Variants in DOK2 observed in about 807,000 individuals in gnomAD.
DOK2 encodes the protein docking protein 2, also known as docking protein 2, 56kD.
Under a neutral mutation model 26.0 loss-of-function variants are expected in DOK2, and 28 were observed. The observed-to-expected ratio is 1.08, with a 90% CI of 0.80 to 1.48. DOK2 has a LOEUF of 1.48. Among genes scored for constraint, DOK2 ranks in the 40% most tolerant of loss-of-function variants. The pLI is 0.00. For missense variants in DOK2, 682 were observed against 558.2 expected (o/e 1.22, Z -2.23); for synonymous variants, 282 against 236.9 (o/e 1.19, Z -1.75).
intron 4 of DOK2, 29 bp from the exon 5 acceptor site, chr8:21,909,960 C>A: frequency 6.3e-7 from 1 of 1,589,498 alleles, no homozygotes; most frequent in Non-Finnish European, 8.5e-7. Flanking sequence ...AGGTTATTGG[C>A]CAGGCCACAG....
intron 4 of DOK2, among the ~76,000 whole-genome samples, chr8:21,910,389 G>T (rs922612886): frequency 1.3e-5 from 2 of 152,088 alleles, no homozygotes; most frequent in African/African-American, 4.8e-5. Flanking sequence ...CCTACAGGCA[G>T]AGACTTGGCT....
In DOK2 at chr8:21,910,699, A is replaced by T. The variant is rs778227189; in HGVS notation, c.592T>A (p.Phe198Ile). 6 of 1,613,700 alleles carry T rather than the reference A, an allele frequency of 3.7e-6. No individual in the cohort carries two copies. The highest frequency in any genetic ancestry group is 5.1e-6 in the Non-Finnish European group (6 of 1,179,978). The change falls in exon 4 of 5, where the codon TTT (phenylalanine) becomes ATT (isoleucine). Residue 198 changes from phenylalanine to isoleucine, a missense_variant. Phe to Ile is a conservative substitution (Grantham distance 21). Transcript: ENST00000276420. ...GTQLYDWPYR[F>I]LRRFGRDKVT... The stretch of plus-strand genomic sequence containing the variant: ...TTGTCCCGCCCAAAGCGCCGCAGAA[A>T]CCTGTAGGGCCAGTCGTACAGCTGG...
rs199836770 is a variant in DOK2 at position 21,909,284 on chromosome 8, C to T, written c.*27G>A. The T allele has an allele frequency of 3.0e-4, 459 of 1,518,786 alleles. 1 individual carries two copies. Among genetic ancestry groups the T allele is most frequent in the Non-Finnish European group, 3.8e-4 (435 of 1,134,226 alleles). 94.1% of individuals were successfully genotyped at this position (1,518,786 alleles called of 1,614,324 possible). A position where few individuals can be genotyped will look rare whatever the true frequency, so the allele number is the denominator to read the frequency against. On this transcript the variant is annotated 3_prime_UTR_variant, in exon 5 of 5. Transcript: ENST00000276420. ...GGAGTCACCAGCAGAAGCCAAGGGG[C>T]GGTGGACCATCCCTCTGCTGCCTCT... is the stretch of plus-strand genomic sequence containing the variant.
chr8:21,913,560 C>G lies in DOK2; in HGVS notation c.42G>C (p.Gln14His). ...CTACCTTTCCAAACGTCTGCTGCTG[C>G]TGAAGATACAAGAAGCCTTGTTTCA... is the stretch of plus-strand genomic sequence containing the variant. ...GAVKQGFLYLQQQQTFGKKWR... is the reference protein window; with the variant it reads ...GAVKQGFLYLHQQQTFGKKWR... Residue 14 changes from glutamine to histidine, a missense_variant, in exon 1 of 5, where the codon CAG (glutamine) becomes CAC (histidine). Physicochemically the swap from Gln to His is conservative, Grantham distance 24 (BLOSUM62 0). Transcript: ENST00000276420. 6.2e-7 allele frequency: 1 copy of G among 1,614,100 alleles called. No individual in the cohort carries two copies. Among genetic ancestry groups the G allele is most frequent in the Non-Finnish European group, 8.5e-7 (1 of 1,180,002 alleles).
chr8:21,911,041 G>A (rs1189532330), intron 3 of DOK2, 184 bp from the exon 4 acceptor site: 1 of 671,314 alleles, frequency 1.5e-6, no homozygotes. Context: ...TCCCCAAAAG[G>A]CCAGGTACCT....
rs763387364 is a variant in DOK2 at position 21,909,840 on chromosome 8, G to A, written c.710C>T (p.Ala237Val). Residue 237 changes from alanine (A) to valine (V), a missense_variant, in exon 5 of 5, where the codon GCC (alanine) becomes GTC (valine). Ala to Val is a moderately conservative substitution (Grantham distance 64). Transcript: ENST00000276420. ...ETRQGNEIFLALEEAISAQKN... is the reference protein window; with the variant it reads ...ETRQGNEIFLVLEEAISAQKN... Reference sequence around the variant, plus strand: ...CTGGGCAGAGATGGCCTCTTCCAGGGCCAAGAAGATCTCATTGCCTTGCCG... The same window carrying A: ...CTGGGCAGAGATGGCCTCTTCCAGGACCAAGAAGATCTCATTGCCTTGCCG... The A allele has an allele frequency of 6.2e-6, 10 of 1,613,924 alleles. No homozygotes were observed. Among genetic ancestry groups the A allele is most frequent in the African/African-American group, 1.3e-5 (1 of 75,028 alleles).
Position 21,909,718 on chromosome 8 carries a change from G to C in DOK2, c.832C>G (p.Leu278Val), listed in dbSNP as rs1809754331. The change falls in exon 5 of 5, where the codon CTG (leucine) becomes GTG (valine). Residue 278 changes from leucine (L) to valine (V), a missense_variant. Physicochemically the swap from Leu to Val is conservative, Grantham distance 32. Transcript: ENST00000276420. ...GGTGTGGTGGGTGAAGGCGGCGGCA[G>C]TGAGTCATGCGGCCGAGAGTAGGGG... ...DSPYSRPHDS[L>V]PPPSPTTPVP... 1.2e-6 allele frequency: 2 copies of C among 1,613,376 alleles called. No individual in the cohort carries two copies. Among genetic ancestry groups the C allele is most frequent in the Non-Finnish European group, 1.7e-6 (2 of 1,180,024 alleles).
At position 21,909,811 on chromosome 8, in the gene DOK2, T is replaced by C. The variant is rs141482665; in HGVS notation, c.739A>G (p.Asn247Asp). The C allele has an allele frequency of 2.7e-4, 431 of 1,613,798 alleles. No homozygotes were observed. The highest frequency in any genetic ancestry group is 3.5e-4 in the Non-Finnish European group (412 of 1,180,026). Residue 247 changes from asparagine to aspartate, a missense_variant, in exon 5 of 5, where the codon AAT (asparagine) becomes GAT (aspartate). Coordinates refer to ENST00000276420, the MANE Select transcript of DOK2 (RefSeq NM_003974.4). The stretch of plus-strand genomic sequence containing the variant: ...GGTTGGGGTGTAGCGGGTGCAGCAT[T>C]CTTCTGGGCAGAGATGGCCTCTTCC... ...ALEEAISAQK[N>D]AAPATPQPQP...
At chr8:21,911,795 C>T in intron 3 of DOK2, 106 bp downstream of exon 3, 1 of 1,276,546 alleles carries the variant, frequency 7.8e-7, no homozygotes, top group Non-Finnish European at 1.1e-6. Context: ...GGGATAACCA[C>T]AAGGCAGGAA....
At chr8:21,913,003 A>G (rs1809917846) in intron 1 of DOK2, among the ~76,000 whole-genome samples, 1 of 152,152 alleles carries the variant, frequency 6.6e-6, no homozygotes, top group South Asian at 2.1e-4. Flanking sequence ...TTGGGCCATG[A>G]GAGAGAGACA....
At position 21,913,588 on chromosome 8, in the gene DOK2, GC is replaced by G; in HGVS notation, c.13del (p.Ala5GlnfsTer2). 6.2e-7 allele frequency: 1 copy of G among 1,613,860 alleles called. No homozygotes were observed. Among genetic ancestry groups the G allele is most frequent in the Non-Finnish European group, 8.5e-7 (1 of 1,179,978 alleles). On this transcript the variant is annotated frameshift_variant, in exon 1 of 5. Transcript: ENST00000276420. LOFTEE classifies it high-confidence loss of function. MGDG[A>X]VKQGFLYLQQ... The stretch of plus-strand genomic sequence containing the variant: ...AAGATACAAGAAGCCTTGTTTCACT[GC>G]CCCGTCTCCCATCCTCTGACCATCT...
chr8:21,910,677 TC>T lies in DOK2; in HGVS notation c.613del (p.Asp205ThrfsTer3). On this transcript the variant is annotated frameshift_variant, in exon 4 of 5. Transcript: ENST00000276420. LOFTEE classifies it low-confidence loss of function (END_TRUNC). Reference sequence around the variant, plus strand: ...CTGATGCAGCTTCCCACTCACCTTGTCCCGCCCAAAGCGCCGCAGAAACCTG... The same window carrying T: ...CTGATGCAGCTTCCCACTCACCTTGTCCGCCCAAAGCGCCGCAGAAACCTG... ...PYRFLRRFGRDKVTFSFEAGR... is the reference protein window; with the variant it reads ...PYRFLRRFGRXKVTFSFEAGR... The T allele has an allele frequency of 6.2e-7, 1 of 1,613,886 alleles. No homozygotes were observed. Among genetic ancestry groups the T allele is most frequent in the Non-Finnish European group, 8.5e-7 (1 of 1,180,016 alleles).
At chr8:21,910,044 C>T in intron 4 of DOK2, 113 bp from the exon 5 acceptor site, 2 of 1,250,592 alleles carry the variant, frequency 1.6e-6, no homozygotes, top group Admixed American at 2.7e-5. Context: ...TGCAGTGGCA[C>T]AATCTCAGCT....
chr8:21,911,199 C>T (rs990910882), intron 3 of DOK2: 20 of 267,356 alleles, frequency 7.5e-5, no homozygotes, highest in Middle Eastern at 1.1e-3. Flanking sequence ...CTAGTCCCTA[C>T]GGTCACAGCT....
intron 1 of DOK2, 184 bp from the exon 2 acceptor site, chr8:21,912,694 T>G: frequency 1.6e-6 from 1 of 610,342 alleles, no homozygotes; most frequent in Non-Finnish European, 2.7e-6. Context: ...CTGCAGGAAT[T>G]AGAAAATCGG....
rs756128481 is a variant in DOK2, at chr8:21,909,810, T to G, written c.740A>C (p.Asn247Thr). Residue 247 changes from asparagine to threonine, a missense_variant, in exon 5 of 5, where the codon AAT becomes ACT. Asn to Thr is a moderately conservative substitution (Grantham distance 65). Coordinates refer to ENST00000276420, the MANE Select transcript of DOK2 (RefSeq NM_003974.4). ...CGGTTGGGGTGTAGCGGGTGCAGCA[T>G]TCTTCTGGGCAGAGATGGCCTCTTC... ...ALEEAISAQK[N>T]AAPATPQPQP... 14 of 1,613,952 alleles carry G rather than the reference T, an allele frequency of 8.7e-6. No individual in the cohort carries two copies. The highest frequency in any genetic ancestry group is 1.1e-5 in the Non-Finnish European group (13 of 1,180,004).
At chr8:21,911,336 G>A (rs1294340489) in intron 3 of DOK2, among the ~76,000 whole-genome samples, 1 of 152,208 alleles carries the variant, frequency 6.6e-6, no homozygotes, top group East Asian at 1.9e-4. Context: ...GCCAGGCGCA[G>A]TGGCTCATGC....
Position 21,910,850 on chromosome 8 carries a change from G to C in DOK2, c.441C>G (p.Pro147=), listed in dbSNP as rs1055371058. The C allele has an allele frequency of 3.1e-6, 5 of 1,600,658 alleles. No homozygotes were observed. Among genetic ancestry groups the C allele is most frequent in the Middle Eastern group, 1.7e-4 (1 of 6,024 alleles). ...TCATGGTCACAGCAAATTCCTTGTG[G>C]GGGCCGACTGGGGAGAAGAAGAGAG... The part of the protein sequence containing the change: ...ELYSSAVTVG[P]HKEFAVTMRP... The change falls in exon 4 of 5, where the codon CCC becomes CCG. Residue 147 remains proline (P), a synonymous_variant. Coordinates refer to ENST00000276420, the MANE Select transcript of DOK2 (RefSeq NM_003974.4).
Position 21,912,503 on chromosome 8 carries a change from C to T in DOK2, c.71G>A (p.Arg24His), listed in dbSNP as rs972670959. The T allele has an allele frequency of 3.3e-6, 5 of 1,516,316 alleles. No individual in the cohort carries two copies. In the African/African-American group the frequency reaches 6.9e-5, roughly 21 times the overall value. The allele number at this position is 1,516,316 out of a possible 1,614,324, so 93.9% of individuals were successfully genotyped here. The change falls in exon 2 of 5, where the codon CGC (arginine) becomes CAC (histidine). Residue 24 changes from arginine (R) to histidine (H), a missense_variant. Coordinates refer to ENST00000276420, the MANE Select transcript of DOK2 (RefSeq NM_003974.4). ...QQQQTFGKKW[R>H]RFGASLYGGS... is the part of the protein sequence containing the mutation. ...TCCATACAGTGAGGCGCCGAAGCGG[C>T]GCCATTTCTGTGCCAGAGGCGTGGG...
Sources: allele counts gnomAD v4.1 joint callset (sites outside exome capture counted in the v4.1 genomes callset), GRCh38; gene constraint gnomAD v4.1.1; transcripts MANE v1.5; gene names NCBI Gene and HGNC (gene_info 2026-07-23, HGNC 2026-07-21).